The following XRCC4 variants were observed in gnomAD, a reference collection of about 807,000 sequenced individuals.
XRCC4 encodes the protein X-ray repair cross complementing 4, also known as DNA repair protein XRCC4.
A neutral mutation model predicts 39.1 loss-of-function variants in XRCC4; 28 were observed. That is an observed-to-expected ratio of 0.72 (90% CI 0.53 to 0.98). XRCC4 has a LOEUF of 0.98. Ranked by LOEUF, XRCC4 falls within the 50% of genes least tolerant of loss-of-function variation. The pLI, the probability that XRCC4 is intolerant of heterozygous loss-of-function variation, is 0.00. For synonymous variants in XRCC4, 123 were observed against 126.4 expected, an observed-to-expected ratio of 0.97 and a Z score of 0.18; for missense variants, 350 against 376.4, an observed-to-expected ratio of 0.93 and a Z score of 0.58.
chr5:83,363,328 T>C, the XRCC4 span, among the ~76,000 whole-genome samples: 3 of 152,164 alleles, frequency 2.0e-5, no homozygotes. Context: ...GCTGAGAAGA[T>C]AGGGTAGGCT....
intron 2 of XRCC4, among the ~76,000 whole-genome samples, chr5:83,107,991 GA>G (rs911617773): frequency 2.0e-5 from 3 of 151,534 alleles, no homozygotes; most frequent in African/African-American, 7.3e-5. Flanking sequence ...GTATCTGAAG[GA>G]AAAAAATCTT....
chr5:83,341,553 TATCTTACAGAA>T (rs1756759837), intron 7 of XRCC4, among the ~76,000 whole-genome samples: 1 of 152,050 alleles, frequency 6.6e-6, no homozygotes, highest in African/African-American at 2.4e-5. Flanking sequence ...TTTTAGAAAA[TATCTTACAGAA>T]CTACCTTTTG....
intron 7 of XRCC4, among the ~76,000 whole-genome samples, chr5:83,260,215 C>T (rs1025514590): frequency 6.6e-5 from 10 of 152,000 alleles, no homozygotes; most frequent in African/African-American, 1.9e-4. Context: ...CTCTTTTATA[C>T]GGTGAACCAA....
At chr5:83,320,416 T>C (rs1268734204) in intron 7 of XRCC4, among the ~76,000 whole-genome samples, 6 of 150,430 alleles carry the variant, frequency 4.0e-5, no homozygotes, top group Non-Finnish European at 8.9e-5. Context: ...TAAAAACCAC[T>C]CCTGGCGAAG....
rs1301137729 is a variant in XRCC4 at position 83,195,800 on chromosome 5, G to C, written c.346G>C (p.Val116Leu). Residue 116 changes from valine (V) to leucine (L), a missense_variant, in exon 4 of 8, where the codon GTT (valine) becomes CTT (leucine). Val to Leu is a conservative substitution (Grantham distance 32). Coordinates refer to ENST00000396027, the MANE Select transcript of XRCC4 (RefSeq NM_003401.5). The stretch of plus-strand genomic sequence containing the variant: ...ACTTGGTTCCTTCAACCTAGAGAAA[G>C]TTGAAAACCCAGCTGAAGTCATTAG... ...FRLGSFNLEKVENPAEVIREL... is the reference protein window; with the variant it reads ...FRLGSFNLEKLENPAEVIREL... 1 of 1,606,674 alleles carries C rather than the reference G, an allele frequency of 6.2e-7. No individual in the cohort carries two copies. Among genetic ancestry groups the C allele is most frequent in the Non-Finnish European group, 8.5e-7 (1 of 1,176,130 alleles).
chr5:83,273,407 C>A (rs9687565), intron 7 of XRCC4, among the ~76,000 whole-genome samples: 133 of 152,276 alleles, frequency 8.7e-4, no homozygotes, highest in African/African-American at 3.1e-3. Flanking sequence ...TTTTGCCGTG[C>A]AGAAGCTCTT....
the XRCC4 span, among the ~76,000 whole-genome samples, chr5:83,364,163 CT>C: frequency 6.6e-6 from 1 of 152,146 alleles, no homozygotes; most frequent in Non-Finnish European, 1.5e-5. Flanking sequence ...CCCAGGACAA[CT>C]AAGAGCTATA....
intron 6 of XRCC4, among the ~76,000 whole-genome samples, chr5:83,250,938 T>C (rs1181832936): frequency 1.3e-5 from 2 of 152,210 alleles, no homozygotes; most frequent in African/African-American, 4.8e-5. Context: ...CTTTGGACTA[T>C]TAAATTAGTT....
chr5:83,306,497 T>G (rs1312249316), intron 7 of XRCC4, among the ~76,000 whole-genome samples: 2 of 22,502 alleles, frequency 8.9e-5, no homozygotes, highest in Admixed American at 8.8e-4. Flanking sequence ...ATCTCAGAAT[T>G]GTATACTTTT....
chr5:83,331,786 C>A (rs1388639003), intron 7 of XRCC4, among the ~76,000 whole-genome samples: 1 of 151,972 alleles, frequency 6.6e-6, no homozygotes, highest in Non-Finnish European at 1.5e-5. Context: ...TAGTAAGAAG[C>A]AGCAATAGAT....
chr5:83,372,449 T>C, the XRCC4 span, among the ~76,000 whole-genome samples: 2 of 152,096 alleles, frequency 1.3e-5, no homozygotes, highest in African/African-American at 4.8e-5. Flanking sequence ...GCCCTCCTCA[T>C]TGTCATCAAT....
At chr5:83,112,362 A>T (rs144792836) in intron 3 of XRCC4, among the ~76,000 whole-genome samples, 109 of 152,330 alleles carry the variant, frequency 7.2e-4, no homozygotes, top group Non-Finnish European at 1.3e-3. Context: ...ATCATTGCCA[A>T]ATTGGGATTA....
chr5:83,199,559 G>A (rs1016905298), intron 4 of XRCC4, among the ~76,000 whole-genome samples: 3 of 151,882 alleles, frequency 2.0e-5, no homozygotes, highest in Non-Finnish European at 2.9e-5. Context: ...AATACCATAT[G>A]TTCACATTTA....
chr5:83,316,455 C>A (rs973063246), intron 7 of XRCC4, among the ~76,000 whole-genome samples: 1 of 150,984 alleles, frequency 6.6e-6, no homozygotes, highest in Non-Finnish European at 1.5e-5. Flanking sequence ...ATTCAGGAAA[C>A]CCATCTCACG....
intron 7 of XRCC4, among the ~76,000 whole-genome samples, chr5:83,339,617 AAAGTAT>A (rs780192523): frequency 5.3e-5 from 8 of 152,176 alleles, no homozygotes; most frequent in Non-Finnish European, 7.4e-5. Context: ...CCCAGAACTT[AAAGTAT>A]AATAAAAAAA....
At chr5:83,351,170 G>A (rs559639556) in intron 7 of XRCC4, among the ~76,000 whole-genome samples, 11 of 152,184 alleles carry the variant, frequency 7.2e-5, no homozygotes, top group East Asian at 1.9e-4. Flanking sequence ...CATGTAAGAC[G>A]GGCCTGCTTC....
intron 1 of XRCC4, among the ~76,000 whole-genome samples, chr5:83,100,503 A>G (rs1745879401): frequency 6.6e-6 from 1 of 152,126 alleles, no homozygotes; most frequent in African/African-American, 2.4e-5. Context: ...CTTTAAAAAA[A>G]AGCAATGAAA....
intron 3 of XRCC4, among the ~76,000 whole-genome samples, chr5:83,140,338 C>T (rs910654587): frequency 2.6e-5 from 4 of 152,082 alleles, no homozygotes; most frequent in East Asian, 1.9e-4. Context: ...GCTCAAGGGC[C>T]GAAGAACCTG....
intron 3 of XRCC4, among the ~76,000 whole-genome samples, chr5:83,127,101 T>G (rs1157139673): frequency 6.6e-6 from 1 of 152,166 alleles, no homozygotes; most frequent in East Asian, 1.9e-4. Context: ...GACTTTAGAC[T>G]TTTGTGTTGC....
Sources: gnomAD v4.1 joint callset for allele counts (sites outside exome capture counted in the v4.1 genomes callset) on GRCh38, gnomAD v4.1.1 for gene constraint, MANE v1.5 for transcripts, NCBI Gene and HGNC (gene_info 2026-07-23, HGNC 2026-07-21) for gene names.